DLGAP1: variants seen among roughly 807,000 people sequenced by gnomAD.
The protein encoded by DLGAP1 is DLG associated protein 1, also known as disks large-associated protein 1.
A neutral mutation model predicts 90.8 loss-of-function variants in DLGAP1; 11 were observed. That is an observed-to-expected ratio of 0.12 (90% CI 0.08 to 0.20). DLGAP1 has a LOEUF of 0.20. DLGAP1 is among the 10% of genes least tolerant of loss of function. The pLI is 1.00. For missense variants in DLGAP1, 1,050 were observed against 1,333.8 expected, an observed-to-expected ratio of 0.79 and a Z score of 3.31; for synonymous variants, 558 against 540.7, an observed-to-expected ratio of 1.03 and a Z score of -0.44.
At chr18:4,050,087 TAAAG>T (rs1359127687) in intron 2 of DLGAP1, among the ~76,000 whole-genome samples, 1 of 152,218 alleles carries the variant, frequency 6.6e-6, no homozygotes. Flanking sequence ...AGACAGAAGT[TAAAG>T]AAACATTTAC....
intron 2 of DLGAP1, among the ~76,000 whole-genome samples, chr18:4,042,028 T>G (rs996959414): frequency 6.6e-6 from 1 of 152,232 alleles, no homozygotes; most frequent in African/African-American, 2.4e-5. Flanking sequence ...GTTATAGAGA[T>G]GTTTTGATGA....
At chr18:3,673,571 G>A (rs2060176255) in intron 7 of DLGAP1, among the ~76,000 whole-genome samples, 1 of 152,040 alleles carries the variant, frequency 6.6e-6, no homozygotes, top group Non-Finnish European at 1.5e-5. Context: ...TTTTTTGGAT[G>A]GAGTCTCACT....
chr18:4,208,791 GAGA>G (rs748355274), intron 1 of DLGAP1, among the ~76,000 whole-genome samples: 7 of 152,034 alleles, frequency 4.6e-5, no homozygotes, highest in Non-Finnish European at 1.0e-4. Flanking sequence ...GAGGAAAAGG[GAGA>G]AGGAGAGGTT....
intron 4 of DLGAP1, among the ~76,000 whole-genome samples, chr18:3,830,749 T>C (rs1347672576): frequency 6.6e-6 from 1 of 152,186 alleles, no homozygotes; most frequent in Non-Finnish European, 1.5e-5. Context: ...ATCACATTGT[T>C]TTAAAACCAT....
At chr18:3,894,914 T>C (rs1287791266) in intron 3 of DLGAP1, 1 of 152,222 alleles carries the variant, frequency 6.6e-6, no homozygotes, top group African/African-American at 2.4e-5. Context: ...ACCTCCTTGT[T>C]TGTCCCTTTC....
intron 1 of DLGAP1, among the ~76,000 whole-genome samples, chr18:4,311,769 G>A (rs767694773): frequency 3.7e-4 from 57 of 152,252 alleles, no homozygotes; most frequent in Non-Finnish European, 7.5e-4. Context: ...AGGCTGGAGT[G>A]CAGTGGCGCA....
At chr18:4,206,475 C>T (rs1471718177) in intron 1 of DLGAP1, among the ~76,000 whole-genome samples, 2 of 152,018 alleles carry the variant, frequency 1.3e-5, no homozygotes, top group Non-Finnish European at 1.5e-5. Context: ...CTGATGTCAC[C>T]CTAGTTCCAA....
intron 1 of DLGAP1, among the ~76,000 whole-genome samples, chr18:4,338,661 A>G (rs2143820764): frequency 6.6e-6 from 1 of 152,340 alleles, no homozygotes; most frequent in South Asian, 2.1e-4. Flanking sequence ...GTATGGCAAG[A>G]TGATAAATAC....
chr18:3,522,795 G>A (rs1486141720), intron 10 of DLGAP1, among the ~76,000 whole-genome samples: 1 of 151,798 alleles, frequency 6.6e-6, no homozygotes, highest in Non-Finnish European at 1.5e-5. Context: ...TGCCCACCTC[G>A]GCCTTCCAAA....
intron 2 of DLGAP1, among the ~76,000 whole-genome samples, chr18:4,019,815 G>GCGCA (rs2074580044): frequency 7.1e-6 from 1 of 141,188 alleles, no homozygotes; most frequent in Non-Finnish European, 1.5e-5. Flanking sequence ...GCGTGTGCGC[G>GCGCA]CACACACACA....
chr18:3,888,867 T>C (rs747779025), intron 3 of DLGAP1, among the ~76,000 whole-genome samples: 11 of 152,224 alleles, frequency 7.2e-5, no homozygotes, highest in Non-Finnish European at 1.3e-4. Flanking sequence ...GCTGACTCTA[T>C]GGGACCTCGG....
intron 1 of DLGAP1, among the ~76,000 whole-genome samples, chr18:4,437,325 GATCA>G (rs1261649111): frequency 6.6e-6 from 1 of 152,068 alleles, no homozygotes; most frequent in African/African-American, 2.4e-5. Context: ...TTAAATAATT[GATCA>G]ATTAACAATA....
At position 4,200,501 on chromosome 18, in the gene DLGAP1, AGATAT is replaced by A. The variant is rs1161768752; in HGVS notation, c.-266-49219_-266-49215del. Among the ~76,000 whole-genome samples, 8 of 151,868 alleles carry A rather than the reference AGATAT, an allele frequency of 5.3e-5. 1 individual carries two copies. Among genetic ancestry groups the A allele is most frequent in the African/African-American group, 1.9e-4 (8 of 41,542 alleles). ...TTTAGTTGATCCCTTTTGATTTATA[AGATAT>A]GTAACATCACTCACAAAGAAGGACA... On this transcript the variant is annotated intron_variant, in intron 1 of 12. Transcript: ENST00000315677.
rs1491327355 is a variant in DLGAP1 at position 4,257,970 on chromosome 18, CAT to C, written c.-266-106685_-266-106684del. On this transcript the variant is annotated intron_variant, in intron 1 of 12. Transcript: ENST00000315677. The stretch of plus-strand genomic sequence containing the variant: ...GTTATGGATTACAACAAGAGTTATA[CAT>C]ATGTGTGTGTGTGTGTGTGTGTGTG... Among the ~76,000 whole-genome samples, 871 of 95,090 alleles carry C rather than the reference CAT, an allele frequency of 9.2e-3. 6 individuals carry two copies. Among genetic ancestry groups the C allele is most frequent in the East Asian group, 0.055 (160 of 2,896 alleles). The allele number at this position is 95,090 out of a possible 152,430, so 62.4% of individuals were successfully genotyped here. A position where few individuals can be genotyped will look rare whatever the true frequency, so the allele number is the denominator to read the frequency against.
At chr18:3,919,031 G>A (rs2072209643) in intron 3 of DLGAP1, among the ~76,000 whole-genome samples, 6 of 152,208 alleles carry the variant, frequency 3.9e-5, no homozygotes, top group Admixed American at 3.9e-4. Context: ...GACATGCACA[G>A]TCCAATGAGA....
intron 11 of DLGAP1, among the ~76,000 whole-genome samples, chr18:3,507,109 A>C (rs894747122): frequency 6.6e-6 from 1 of 152,098 alleles, no homozygotes; most frequent in African/African-American, 2.4e-5. Flanking sequence ...CACCTTTTCC[A>C]TACTTTATAT....
At chr18:4,335,917 C>G (rs763241898) in intron 1 of DLGAP1, among the ~76,000 whole-genome samples, 6 of 152,206 alleles carry the variant, frequency 3.9e-5, no homozygotes, top group Non-Finnish European at 8.8e-5. Context: ...ATATGAAATA[C>G]ATGCCATGAA....
intron 9 of DLGAP1, among the ~76,000 whole-genome samples, chr18:3,563,529 G>T (rs1486725340): frequency 6.6e-6 from 1 of 151,548 alleles, no homozygotes; most frequent in East Asian, 1.9e-4. Flanking sequence ...GAGTGCAGTG[G>T]CACGATCTCG....
chr18:3,943,163 C>A (rs1311320460), intron 3 of DLGAP1, among the ~76,000 whole-genome samples: 1 of 152,162 alleles, frequency 6.6e-6, no homozygotes, highest in East Asian at 1.9e-4. Flanking sequence ...CTATCTTCAA[C>A]TTCACCTGCT....
Sources: allele counts gnomAD v4.1 joint callset (sites outside exome capture counted in the v4.1 genomes callset), GRCh38; gene constraint gnomAD v4.1.1; transcripts MANE v1.5; gene names NCBI Gene and HGNC (gene_info 2026-07-23, HGNC 2026-07-21).